Variants in TEX19 observed in about 807,000 individuals in gnomAD.
The protein encoded by TEX19 is testis expressed 19, also known as testis-expressed protein 19.
For synonymous variants in TEX19, 77 were observed against 73.9 expected (o/e 1.04, Z -0.21); for missense variants, 184 against 194.4 (o/e 0.95, Z 0.32).
rs1014958199 is a variant in TEX19, at chr17:82,363,359, G to A, written c.*714G>A. 1.4e-4 allele frequency: 24 copies of A among 167,082 alleles called. No homozygotes were observed. The highest frequency in any genetic ancestry group is 5.8e-4 in the African/African-American group (24 of 41,474). The allele number at this position is 167,082 out of a possible 1,614,324, so 10.3% of individuals were successfully genotyped here. A position where few individuals can be genotyped will look rare whatever the true frequency, so the allele number is the denominator to read the frequency against. ...CTTTAGGGGCTGGGAGATAGGGCCT[G>A]TTGTGGCCTCAGAGGGAAGCATTAC... On this transcript the variant is annotated 3_prime_UTR_variant, in exon 2 of 2. Coordinates refer to ENST00000333437, the MANE Select transcript of TEX19 (RefSeq NM_207459.4).
Position 82,362,789 on chromosome 17 carries a change from C to A in TEX19, c.*144C>A. On this transcript the variant is annotated 3_prime_UTR_variant, in exon 2 of 2. Coordinates refer to ENST00000333437, the MANE Select transcript of TEX19 (RefSeq NM_207459.4). The surrounding 1 kb of genome is among the most constrained non-coding windows in gnomAD (Gnocchi z 5.5). ...CCATGGTGGGCTGCTATGATACCATCTACCTACAGAAGATGACCCCAGACA... is the reference window on the plus strand; with the variant it reads ...CCATGGTGGGCTGCTATGATACCATATACCTACAGAAGATGACCCCAGACA... The A allele has an allele frequency of 9.4e-7, 1 of 1,062,394 alleles. No individual in the cohort carries two copies. Among genetic ancestry groups the A allele is most frequent in the Non-Finnish European group, 1.3e-6 (1 of 758,506 alleles). 65.8% of individuals were successfully genotyped at this position (1,062,394 alleles called of 1,614,324 possible). A position where few individuals can be genotyped will look rare whatever the true frequency, so the allele number is the denominator to read the frequency against.
intron 1 of TEX19, among the ~76,000 whole-genome samples, chr17:82,360,141 G>T (rs1369526304): frequency 5.3e-5 from 2 of 37,424 alleles, no homozygotes; most frequent in Admixed American, 3.7e-4. Flanking sequence ...TTTCCCTCAG[G>T]TTCCCCCAGT....
At chr17:82,360,335 C>T (rs1454355991) in intron 1 of TEX19, among the ~76,000 whole-genome samples, 3 of 95,086 alleles carry the variant, frequency 3.2e-5, no homozygotes. Context: ...CCCTCAGTTT[C>T]CCTCAGGTTC....
At chr17:82,359,844 AGTTCCCCTCAGGTTCCCCCAG>A (rs2052366171) in intron 1 of TEX19, among the ~76,000 whole-genome samples, 2 of 95,366 alleles carry the variant, frequency 2.1e-5, no homozygotes, top group Admixed American at 1.3e-4. Flanking sequence ...GTTTCCCTCA[AGTTCCCCTCAGGTTCCCCCAG>A]TTTCCCTCAA....
At chr17:82,361,674 C>T (rs2052395933) in intron 1 of TEX19, 4 of 985,376 alleles carry the variant, frequency 4.1e-6, no homozygotes, top group Non-Finnish European at 4.8e-6. Flanking sequence ...CTGTTGGGGT[C>T]CCTGAGGTGT....
chr17:82,361,266 C>T (rs866950057), intron 1 of TEX19, among the ~76,000 whole-genome samples: 2 of 7,364 alleles, frequency 2.7e-4, no homozygotes, highest in East Asian at 6.3e-3. Flanking sequence ...TCAGGTTCCC[C>T]CAGTTTCCCT....
Position 82,363,311 on chromosome 17 carries a change from G to A in TEX19, c.*666G>A, listed in dbSNP as rs1312761118. On this transcript the variant is annotated 3_prime_UTR_variant, in exon 2 of 2. Coordinates refer to ENST00000333437, the MANE Select transcript of TEX19 (RefSeq NM_207459.4). Reference sequence around the variant, plus strand: ...TTCCACAACAGCCAGGGGAGCAGTTGGCAAAGGAAACATGGGGAGCAACTT... The same window carrying A: ...TTCCACAACAGCCAGGGGAGCAGTTAGCAAAGGAAACATGGGGAGCAACTT... The A allele has an allele frequency of 6.0e-6, 1 of 167,104 alleles. No individual in the cohort carries two copies. Among genetic ancestry groups the A allele is most frequent in the Non-Finnish European group, 1.5e-5 (1 of 68,162 alleles). The allele number at this position is 167,104 out of a possible 1,614,324, so 10.4% of individuals were successfully genotyped here.
In TEX19 at chr17:82,362,122, C is replaced by A; in HGVS notation, c.-29C>A. 1.3e-6 allele frequency: 2 copies of A among 1,575,548 alleles called. No homozygotes were observed. Among genetic ancestry groups the A allele is most frequent in the South Asian group, 2.4e-5 (2 of 83,280 alleles). ...CTCTGAAGGCCCAGCTCTTGCTGTC[C>A]ACCCCGGCAGTAGGCAGGCAGCCTG... On this transcript the variant is annotated 5_prime_UTR_variant, in exon 2 of 2. Coordinates refer to ENST00000333437, the MANE Select transcript of TEX19 (RefSeq NM_207459.4). The surrounding 1 kb of genome is among the most constrained non-coding windows in gnomAD (Gnocchi z 5.5).
At chr17:82,360,787 G>A (rs1419513841) in intron 1 of TEX19, among the ~76,000 whole-genome samples, 2 of 90,812 alleles carry the variant, frequency 2.2e-5, no homozygotes, top group Non-Finnish European at 4.2e-5. Flanking sequence ...GTTTCCCTCA[G>A]GTTCCCCCAG....
chr17:82,360,673 A>AGGTTCCCCC (rs2052380293), intron 1 of TEX19, among the ~76,000 whole-genome samples: 1 of 69,724 alleles, frequency 1.4e-5, no homozygotes, highest in Admixed American at 1.7e-4. Flanking sequence ...GGGTTCCCTC[A>AGGTTCCCCC]AGTTTCCCTC....
At chr17:82,359,648 TCAGGTTCCCC>T (rs2052361420) in intron 1 of TEX19, among the ~76,000 whole-genome samples, 1 of 101,606 alleles carries the variant, frequency 9.8e-6, no homozygotes, top group Admixed American at 1.0e-4. Context: ...TCAGCTTCCC[TCAGGTTCCCC>T]CAGTTTCCCT....
At position 82,362,902 on chromosome 17, in the gene TEX19, A is replaced by G; in HGVS notation, c.*257A>G. ...GTGAGACTCCAAGATGCACCCCAAG[A>G]GCAGGACCTGCACTGGTGGATGCTG... is the stretch of plus-strand genomic sequence containing the variant. On this transcript the variant is annotated 3_prime_UTR_variant, in exon 2 of 2. Coordinates refer to ENST00000333437, the MANE Select transcript of TEX19 (RefSeq NM_207459.4). The surrounding 1 kb of genome is among the most constrained non-coding windows in gnomAD (Gnocchi z 5.5). The G allele has an allele frequency of 2.1e-6, 1 of 472,202 alleles. No individual in the cohort carries two copies. The allele number at this position is 472,202 out of a possible 1,614,324, so 29.3% of individuals were successfully genotyped here.
Position 82,362,251 on chromosome 17 carries a change from G to A in TEX19, c.101G>A (p.Cys34Tyr), listed in dbSNP as rs150740969. ...CAACATGGAGATCAGCTAAGCATTT[G>A]CTTCACCTGCTTCAAGGCTGCCTTT... ...QLQHGDQLSI[C>Y]FTCFKAAFLD... The change falls in exon 2 of 2, where the codon TGC becomes TAC. Residue 34 changes from cysteine (C) to tyrosine (Y), a missense_variant. By Grantham distance (194) the Cys-to-Tyr change is radical. Transcript: ENST00000333437. This position sits in a 1 kb window ranked among gnomAD's most constrained non-coding sequence, Gnocchi z 5.5. 1.9e-5 allele frequency: 31 copies of A among 1,613,892 alleles called. No individual in the cohort carries two copies. The African/African-American group carries it at 2.5e-4, about 13-fold the overall frequency.
At position 82,362,687 on chromosome 17, in the gene TEX19, G is replaced by T. The variant is rs778118466; in HGVS notation, c.*42G>T. 2.6e-6 allele frequency: 4 copies of T among 1,518,248 alleles called. No individual in the cohort carries two copies. The South Asian group carries it at 5.4e-5, about 20-fold the overall frequency. 94.0% of individuals were successfully genotyped at this position (1,518,248 alleles called of 1,614,324 possible). On this transcript the variant is annotated 3_prime_UTR_variant, in exon 2 of 2. Transcript: ENST00000333437. The surrounding 1 kb of genome is among the most constrained non-coding windows in gnomAD (Gnocchi z 5.5). ...TGGACCTGCCCCCAGGGGAGCCCGT[G>T]GTGTTGAAGCTGGGCATTACCTGGG...
Position 82,362,712 on chromosome 17 carries a change from G to C in TEX19, c.*67G>C. 1 of 1,508,992 alleles carries C rather than the reference G, an allele frequency of 6.6e-7. No homozygotes were observed. Among genetic ancestry groups the C allele is most frequent in the South Asian group, 1.4e-5 (1 of 73,112 alleles). The allele number at this position is 1,508,992 out of a possible 1,614,324, so 93.5% of individuals were successfully genotyped here. A position where few individuals can be genotyped will look rare whatever the true frequency, so the allele number is the denominator to read the frequency against. ...GGTGTTGAAGCTGGGCATTACCTGG[G>C]CAGTGGACCCTGCCGAGGCTGAGGC... On this transcript the variant is annotated 3_prime_UTR_variant, in exon 2 of 2. Coordinates refer to ENST00000333437, the MANE Select transcript of TEX19 (RefSeq NM_207459.4). The surrounding 1 kb of genome is among the most constrained non-coding windows in gnomAD (Gnocchi z 5.5).
At chr17:82,360,560 T>C (rs1189327154) in intron 1 of TEX19, among the ~76,000 whole-genome samples, 21 of 38,822 alleles carry the variant, frequency 5.4e-4, no homozygotes, top group East Asian at 3.5e-3. Flanking sequence ...CCAGTTTCCC[T>C]CAAGTTTCCC....
rs764863513 is a variant in TEX19, at chr17:82,362,401, G to T, written c.251G>T (p.Gly84Val). 17 of 1,613,096 alleles carry T rather than the reference G, an allele frequency of 1.1e-5. No individual in the cohort carries two copies. In the South Asian group the frequency reaches 1.2e-4, roughly 11 times the overall value. The change falls in exon 2 of 2, where the codon GGG becomes GTG. Residue 84 changes from glycine (G) to valine (V), a missense_variant. Transcript: ENST00000333437. This position sits in a 1 kb window ranked among gnomAD's most constrained non-coding sequence, Gnocchi z 5.5. ...TCCTCAGGGATGGAGCTGAGCTGGG[G>T]GCAGAGCCCAGGACAGCCTGTGCAG... ...EGSSGMELSW[G>V]QSPGQPVQGG...
rs200400659 is a variant in TEX19 at position 82,362,162 on chromosome 17, G to A, written c.12G>A (p.Pro4=). Residue 4 remains proline, a synonymous_variant, in exon 2 of 2, where the codon CCG becomes CCA. Transcript: ENST00000333437. This position sits in a 1 kb window ranked among gnomAD's most constrained non-coding sequence, Gnocchi z 5.5. ...CAGGCAGCCTGGCCATGTGCCCTCC[G>A]GTCAGCATGCGGTATGAGGAAGAGG... MCP[P]VSMRYEEEGM... The A allele has an allele frequency of 4.3e-5, 69 of 1,608,080 alleles. No individual in the cohort carries two copies. Among genetic ancestry groups the A allele is most frequent in the East Asian group, 1.3e-4 (6 of 44,860 alleles).
rs777559378 is a variant in TEX19, at chr17:82,363,542, A to C, written c.*897A>C. 6.0e-6 allele frequency: 1 copy of C among 166,988 alleles called. No individual in the cohort carries two copies. Among genetic ancestry groups the C allele is most frequent in the East Asian group, 1.9e-4 (1 of 5,200 alleles). The allele number at this position is 166,988 out of a possible 1,614,324, so 10.3% of individuals were successfully genotyped here. A position where few individuals can be genotyped will look rare whatever the true frequency, so the allele number is the denominator to read the frequency against. ...GCCATGGGGAGGGACATTGCTTGTA[A>C]AACACATGCTCTGCAGAACACACCA... is the stretch of plus-strand genomic sequence containing the variant. On this transcript the variant is annotated 3_prime_UTR_variant, in exon 2 of 2. Coordinates refer to ENST00000333437, the MANE Select transcript of TEX19 (RefSeq NM_207459.4).
Sources: allele counts gnomAD v4.1 joint callset (sites outside exome capture counted in the v4.1 genomes callset), GRCh38; gene constraint gnomAD v4.1.1; non-coding constraint Gnocchi (gnomAD v3.1); transcripts MANE v1.5; gene names NCBI Gene and HGNC (gene_info 2026-07-23, HGNC 2026-07-21).